CCDC91: variants seen among roughly 807,000 people sequenced by gnomAD.
CCDC91 encodes the protein coiled-coil domain containing 91.
Under a neutral mutation model 63.2 loss-of-function variants are expected in CCDC91, and 48 were observed. The observed-to-expected ratio is 0.76, with a 90% confidence interval of 0.60 to 0.97. CCDC91 has a LOEUF of 0.97. Among genes scored for constraint, CCDC91 ranks in the 50% least tolerant of loss-of-function variants. CCDC91 has a pLI of 0.00. For missense variants in CCDC91, 500 were observed against 494.6 expected (o/e 1.01, Z -0.10); for synonymous variants, 167 against 165.8 (o/e 1.01, Z -0.06).
chr12:28,218,071 G>A lies in CCDC91; in HGVS notation c.-15+27430G>A, dbSNP rs145500084. ...TCTGTTCTCACTTCCTCCATCCTCC[G>A]TGTTTGATCCCTTTAGATATCCTTT... is the stretch of plus-strand genomic sequence containing the variant. On this transcript the variant is annotated intron_variant, in intron 1 of 12. Transcript: ENST00000536442. 4.8e-4 allele frequency among the ~76,000 whole-genome samples: 73 copies of A among 152,024 alleles called. No individual in the cohort carries two copies. The Middle Eastern group carries it at 0.031, about 64-fold the overall frequency.
intron 11 of CCDC91, among the ~76,000 whole-genome samples, chr12:28,468,137 T>C (rs1202719257): frequency 6.6e-6 from 1 of 151,476 alleles, no homozygotes; most frequent in Non-Finnish European, 1.5e-5. Flanking sequence ...CAAAGATCAA[T>C]GAAACAAAAA....
At chr12:28,474,421 A>T (rs1360422854) in intron 11 of CCDC91, among the ~76,000 whole-genome samples, 2 of 152,156 alleles carry the variant, frequency 1.3e-5, no homozygotes, top group African/African-American at 4.8e-5. Flanking sequence ...AAAAAATGTA[A>T]AAAGTATTCT....
At chr12:28,291,721 A>G (rs925491434) in intron 3 of CCDC91, among the ~76,000 whole-genome samples, 4 of 152,160 alleles carry the variant, frequency 2.6e-5, no homozygotes, top group African/African-American at 9.7e-5. Flanking sequence ...AGAGAAGACA[A>G]CACTTCAAAA....
chr12:28,196,823 A>C (rs1039594217), intron 1 of CCDC91, among the ~76,000 whole-genome samples: 1 of 152,154 alleles, frequency 6.6e-6, no homozygotes, highest in Non-Finnish European at 1.5e-5. Flanking sequence ...TCTTTTGCAA[A>C]TATATTTTAA....
At chr12:28,202,222 A>C (rs1451221218) in intron 1 of CCDC91, among the ~76,000 whole-genome samples, 2 of 152,172 alleles carry the variant, frequency 1.3e-5, no homozygotes, top group Non-Finnish European at 2.9e-5. Context: ...TATTTAGAGA[A>C]AACGTTTTAG....
intron 6 of CCDC91, among the ~76,000 whole-genome samples, chr12:28,348,061 G>C (rs936084275): frequency 2.0e-5 from 3 of 152,174 alleles, no homozygotes; most frequent in African/African-American, 7.2e-5. Context: ...CTCTAAGGAG[G>C]CCATCTCTCT....
intron 8 of CCDC91, among the ~76,000 whole-genome samples, chr12:28,423,326 G>A (rs1489161774): frequency 6.6e-6 from 1 of 152,064 alleles, no homozygotes; most frequent in African/African-American, 2.4e-5. Context: ...CAGGAAAATG[G>A]GGAAGGACTT....
intron 6 of CCDC91, among the ~76,000 whole-genome samples, chr12:28,333,123 T>C (rs566348078): frequency 6.6e-6 from 1 of 152,132 alleles, no homozygotes; most frequent in South Asian, 2.1e-4. Flanking sequence ...GGGTCAGGCA[T>C]GGTGGCTCAC....
chr12:28,206,261 C>T (rs1942844593), intron 1 of CCDC91, among the ~76,000 whole-genome samples: 1 of 152,158 alleles, frequency 6.6e-6, no homozygotes, highest in African/African-American at 2.4e-5. Flanking sequence ...GTCAGGTTCT[C>T]AGGTGAGAGT....
chr12:28,471,249 T>C (rs536663937), intron 11 of CCDC91, among the ~76,000 whole-genome samples: 1 of 152,192 alleles, frequency 6.6e-6, no homozygotes, highest in East Asian at 1.9e-4. Context: ...CAGAATATAA[T>C]TAGGCTTCTC....
intron 3 of CCDC91, among the ~76,000 whole-genome samples, chr12:28,267,761 A>ATATATAATTATATATTAC (rs1947323475): frequency 2.4e-5 from 1 of 41,804 alleles, no homozygotes; most frequent in African/African-American, 6.3e-5. Flanking sequence ...CTATATAATT[A>ATATATAATTATATATTAC]TATATAATTA....
chr12:28,415,794 A>G (rs543742629), intron 8 of CCDC91, among the ~76,000 whole-genome samples: 3 of 152,138 alleles, frequency 2.0e-5, no homozygotes, highest in Admixed American at 2.0e-4. Context: ...AATATAGGAG[A>G]CATGATTTTA....
chr12:28,275,391 G>A (rs921868650), intron 3 of CCDC91, among the ~76,000 whole-genome samples: 1 of 151,992 alleles, frequency 6.6e-6, no homozygotes. Flanking sequence ...TAAATTCCTC[G>A]ACACATACAC....
chr12:28,546,112 G>A (rs774364010), intron 12 of CCDC91, among the ~76,000 whole-genome samples: 8 of 151,988 alleles, frequency 5.3e-5, no homozygotes, highest in East Asian at 1.9e-4. Context: ...ACTGAATTAC[G>A]TATCTCATCC....
At chr12:28,531,553 C>G (rs1315132238) in intron 12 of CCDC91, among the ~76,000 whole-genome samples, 1 of 152,116 alleles carries the variant, frequency 6.6e-6, no homozygotes, top group Non-Finnish European at 1.5e-5. Context: ...AGAGTACCAT[C>G]ACTCATGTAC....
rs1945015529 is a variant in CCDC91 at position 28,237,240 on chromosome 12, A to ACACACACACACG, written c.-14-19951_-14-19950insGCACACACACAC. On this transcript the variant is annotated intron_variant, in intron 1 of 12. Transcript: ENST00000536442. ...ACATACATGTGTATTACACATACAC[A>ACACACACACACG]CACACACACACACACACACACACAC... is the stretch of plus-strand genomic sequence containing the variant. Among the ~76,000 whole-genome samples, 4 of 150,762 alleles carry ACACACACACACG rather than the reference A, an allele frequency of 2.7e-5. No homozygotes were observed. In the South Asian group the frequency reaches 8.4e-4, roughly 32 times the overall value.
intron 12 of CCDC91, among the ~76,000 whole-genome samples, chr12:28,516,947 G>A (rs1397026513): frequency 6.6e-6 from 1 of 151,894 alleles, no homozygotes; most frequent in Non-Finnish European, 1.5e-5. Context: ...AACCACAGCA[G>A]ATGCCCACTA....
chr12:28,336,875 C>T (rs547569174), intron 6 of CCDC91, among the ~76,000 whole-genome samples: 276 of 152,176 alleles, frequency 1.8e-3, no homozygotes, highest in Middle Eastern at 6.8e-3. Context: ...AATTTGATAA[C>T]TATTCAAACT....
chr12:28,200,807 G>A (rs1942181687), intron 1 of CCDC91, among the ~76,000 whole-genome samples: 1 of 151,818 alleles, frequency 6.6e-6, no homozygotes, highest in African/African-American at 2.4e-5. Context: ...CCCAGACGGG[G>A]TGGTGGCCGG....
Sources: gnomAD v4.1 joint callset for allele counts (sites outside exome capture counted in the v4.1 genomes callset) on GRCh38, gnomAD v4.1.1 for gene constraint, MANE v1.5 for transcripts, NCBI Gene and HGNC (gene_info 2026-07-23, HGNC 2026-07-21) for gene names.